LHFPL2: variants seen among roughly 807,000 people sequenced by gnomAD.
LHFPL2 encodes LHFPL tetraspan subfamily member 2, also known as LHFPL tetraspan subfamily member 2 protein.
LHFPL2 carries 7 observed loss-of-function variants against 17.5 expected under a neutral mutation model. The ratio of observed to expected loss-of-function variants is 0.40; its 90% confidence interval spans 0.23 to 0.75. The LOEUF (loss-of-function observed/expected upper bound fraction) is 0.75, where lower values mean the gene tolerates loss of function less well. Ranked by LOEUF, LHFPL2 falls within the 30% of genes least tolerant of loss-of-function variation. The pLI is 0.37. For synonymous variants in LHFPL2, 134 were observed against 116.2 expected (o/e 1.15, Z -0.99); for missense variants, 241 against 294.8 (o/e 0.82, Z 1.34).
At chr5:78,626,104 A>C (rs1055209384) in intron 2 of LHFPL2, 1 of 152,268 alleles carries the variant, frequency 6.6e-6, no homozygotes, top group African/African-American at 2.4e-5. Context: ...CTAGTCCAGA[A>C]GGCCCACTGG....
At chr5:78,499,887 C>T (rs768940856) in intron 4 of LHFPL2, among the ~76,000 whole-genome samples, 28 of 152,206 alleles carry the variant, frequency 1.8e-4, no homozygotes, top group Non-Finnish European at 3.5e-4. Flanking sequence ...GCCCTTGGTC[C>T]GACCAACTTC....
At chr5:78,504,901 T>C (rs1322462926) in intron 4 of LHFPL2, among the ~76,000 whole-genome samples, 1 of 152,188 alleles carries the variant, frequency 6.6e-6, no homozygotes, top group Admixed American at 6.5e-5. Flanking sequence ...CTGAGACCCA[T>C]GCAGGCAGAG....
intron 3 of LHFPL2, among the ~76,000 whole-genome samples, chr5:78,531,153 C>T (rs1173823348): frequency 1.3e-5 from 2 of 151,828 alleles, no homozygotes; most frequent in Non-Finnish European, 2.9e-5. Flanking sequence ...TGGTGGCTCA[C>T]GCCTATAATC....
chr5:78,628,087 G>A (rs986953249), intron 2 of LHFPL2, among the ~76,000 whole-genome samples: 16 of 152,154 alleles, frequency 1.1e-4, no homozygotes, highest in South Asian at 2.1e-4. Flanking sequence ...TGTGCCTCCC[G>A]GCCCCTCCCT....
At chr5:78,635,013 G>A (rs1046093187) in intron 1 of LHFPL2, among the ~76,000 whole-genome samples, 6 of 152,364 alleles carry the variant, frequency 3.9e-5, no homozygotes, top group South Asian at 2.1e-4. Context: ...GCTGTGAGCC[G>A]TGGAGTGGGT....
At position 78,486,930 on chromosome 5, in the gene LHFPL2, T is replaced by C. The variant is rs1754264791; in HGVS notation, c.*1967A>G. On this transcript the variant is annotated 3_prime_UTR_variant, in exon 5 of 5. Transcript: ENST00000380345. ...AAGTTTATGGAAAAATTTTGTGTTTTTCATCAAGGTTTGAGACTTGGTTAG... is the reference window on the plus strand; with the variant it reads ...AAGTTTATGGAAAAATTTTGTGTTTCTCATCAAGGTTTGAGACTTGGTTAG... 6.6e-6 allele frequency: 1 copy of C among 152,190 alleles called. No homozygotes were observed. The highest frequency in any genetic ancestry group is 1.5e-5 in the Non-Finnish European group (1 of 68,030). 9.4% of individuals were successfully genotyped at this position (152,190 alleles called of 1,614,324 possible). A position where few individuals can be genotyped will look rare whatever the true frequency, so the allele number is the denominator to read the frequency against.
intron 4 of LHFPL2, among the ~76,000 whole-genome samples, chr5:78,495,041 A>G (rs2112294227): frequency 6.6e-6 from 1 of 152,344 alleles, no homozygotes; most frequent in Middle Eastern, 3.4e-3. Flanking sequence ...TGGGATATCA[A>G]ATACTTTTAA....
chr5:78,531,616 C>T (rs939087104), intron 3 of LHFPL2, among the ~76,000 whole-genome samples: 1 of 152,116 alleles, frequency 6.6e-6, no homozygotes. Context: ...TTACTCACCC[C>T]ACCTCAGTCC....
chr5:78,609,631 C>T (rs1421094770), intron 2 of LHFPL2, among the ~76,000 whole-genome samples: 2 of 151,854 alleles, frequency 1.3e-5, no homozygotes, highest in Admixed American at 1.3e-4. Flanking sequence ...TGATCTCATA[C>T]CTAAGGTTCT....
intron 3 of LHFPL2, among the ~76,000 whole-genome samples, chr5:78,530,329 A>G (rs1252970461): frequency 6.6e-6 from 1 of 152,192 alleles, no homozygotes; most frequent in African/African-American, 2.4e-5. Context: ...TTGGTTTCAC[A>G]TATACATGTG....
intron 3 of LHFPL2, chr5:78,549,160 G>A (rs1234887707): frequency 6.6e-6 from 1 of 152,200 alleles, no homozygotes; most frequent in African/African-American, 2.4e-5. Flanking sequence ...GTCTGGTCAT[G>A]AATGCTGCCT....
chr5:78,512,379 C>T (rs1034792271), intron 3 of LHFPL2, among the ~76,000 whole-genome samples: 5 of 149,962 alleles, frequency 3.3e-5, no homozygotes, highest in African/African-American at 7.3e-5. Flanking sequence ...TCTCCACAAG[C>T]TGGATAATTT....
At position 78,645,543 on chromosome 5, in the gene LHFPL2, TACACACACACACACACAC is replaced by T. The variant is rs56911011; in HGVS notation, c.-350+2938_-350+2955del. On this transcript the variant is annotated intron_variant, in intron 1 of 4. Transcript: ENST00000380345. ...ACCCCAAGATAGACAGACAGATGCA[TACACACACACACACACAC>T]ACACACACACACACACACACACACA... Among the ~76,000 whole-genome samples, 619 of 137,328 alleles carry T rather than the reference TACACACACACACACACAC, an allele frequency of 4.5e-3. 6 individuals are homozygous for T. The highest frequency in any genetic ancestry group is 0.015 in the African/African-American group (532 of 36,332). The allele number at this position is 137,328 out of a possible 152,430, so 90.1% of individuals were successfully genotyped here.
chr5:78,576,050 C>G (rs940893666), intron 2 of LHFPL2, among the ~76,000 whole-genome samples: 13 of 152,212 alleles, frequency 8.5e-5, no homozygotes, highest in African/African-American at 3.1e-4. Flanking sequence ...AATCCCAGCA[C>G]TTTGGGAGGC....
At chr5:78,593,647 T>C (rs182040449) in intron 2 of LHFPL2, among the ~76,000 whole-genome samples, 40 of 152,302 alleles carry the variant, frequency 2.6e-4, no homozygotes, top group Admixed American at 1.4e-3. Flanking sequence ...GTATTTATAG[T>C]ACATCTGGTA....
chr5:78,602,880 T>TGTTTTG (rs1273191546), intron 2 of LHFPL2, among the ~76,000 whole-genome samples: 1 of 145,388 alleles, frequency 6.9e-6, no homozygotes, highest in Non-Finnish European at 1.5e-5. Flanking sequence ...GGTAGGGTTT[T>TGTTTTG]GTTTTGTTTT....
At chr5:78,637,578 A>G (rs1745500039) in intron 1 of LHFPL2, among the ~76,000 whole-genome samples, 1 of 152,248 alleles carries the variant, frequency 6.6e-6, no homozygotes, top group Non-Finnish European at 1.5e-5. Context: ...CCTAAGTAGC[A>G]GGTGACCAAC....
Position 78,510,405 on chromosome 5 carries a change from G to T in LHFPL2, c.-185-7C>A. The stretch of plus-strand genomic sequence containing the variant: ...GCACCGCCTGCGGCCTCACCTAGGG[G>T]AGAGGGAGGGCGGTTAGCAGCGCCG... On this transcript the variant is annotated splice_polypyrimidine_tract_variant and splice_region_variant and intron_variant, in intron 3 of 4. Transcript: ENST00000380345. 1.7e-6 allele frequency: 1 copy of T among 589,678 alleles called. No homozygotes were observed. Among genetic ancestry groups the T allele is most frequent in the South Asian group, 2.5e-5 (1 of 40,726 alleles). The allele number at this position is 589,678 out of a possible 1,614,324, so 36.5% of individuals were successfully genotyped here. A position where few individuals can be genotyped will look rare whatever the true frequency, so the allele number is the denominator to read the frequency against.
chr5:78,527,886 C>T (rs1580777397), intron 3 of LHFPL2, among the ~76,000 whole-genome samples: 3 of 152,282 alleles, frequency 2.0e-5, no homozygotes, highest in South Asian at 2.1e-4. Flanking sequence ...CAACACCTCT[C>T]GTTCTGAATC....
Sources: gnomAD v4.1 joint callset for allele counts (sites outside exome capture counted in the v4.1 genomes callset) on GRCh38, gnomAD v4.1.1 for gene constraint, MANE v1.5 for transcripts, NCBI Gene and HGNC (gene_info 2026-07-23, HGNC 2026-07-21) for gene names.